RAB11FIP5: variants seen among roughly 807,000 people sequenced by gnomAD.
RAB11FIP5 encodes the protein rab11 family-interacting protein 5.
RAB11FIP5 carries 48 observed loss-of-function variants against 85.1 expected under a neutral mutation model. The ratio of observed to expected loss-of-function variants is 0.56; its 90% CI spans 0.45 to 0.72. RAB11FIP5 has a LOEUF of 0.72. Ranked by LOEUF, RAB11FIP5 falls within the 30% of genes least tolerant of loss-of-function variation. RAB11FIP5 has a pLI of 0.00. For synonymous variants in RAB11FIP5, 729 were observed against 727.3 expected (o/e 1.00, Z -0.04); for missense variants, 1,491 against 1,687.0 (o/e 0.88, Z 2.04).
At chr2:73,090,654 T>C (rs188277350) in intron 1 of RAB11FIP5, among the ~76,000 whole-genome samples, 3 of 152,248 alleles carry the variant, frequency 2.0e-5, no homozygotes, top group Non-Finnish European at 2.9e-5. Context: ...AAAGGCTTCA[T>C]GCTTGCACGA....
chr2:73,093,950 G>A (rs924986474), intron 1 of RAB11FIP5, among the ~76,000 whole-genome samples: 4 of 152,130 alleles, frequency 2.6e-5, no homozygotes, highest in South Asian at 4.2e-4. Context: ...GCGAAACCCC[G>A]TGTCTACTAA....
intron 1 of RAB11FIP5, among the ~76,000 whole-genome samples, chr2:73,102,595 A>G (rs1684450215): frequency 6.6e-6 from 1 of 152,126 alleles, no homozygotes; most frequent in African/African-American, 2.4e-5. Context: ...CGGCAGCACT[A>G]TGGCAGAGCC....
intron 1 of RAB11FIP5, among the ~76,000 whole-genome samples, chr2:73,103,846 G>A (rs1684476305): frequency 6.6e-6 from 1 of 152,084 alleles, no homozygotes; most frequent in Non-Finnish European, 1.5e-5. Context: ...CCTCTCTCAG[G>A]GGATCTCTGG....
At position 73,089,274 on chromosome 2, in the gene RAB11FIP5, T is replaced by C; in HGVS notation, c.473A>G (p.Glu158Gly). The change falls in exon 2 of 6, where the codon GAA becomes GGA. Residue 158 changes from glutamate to glycine, a missense_variant. By Grantham distance (98) the Glu-to-Gly change is moderately conservative. Around this residue, in one of 3 missense-constraint regions of RAB11FIP5, gnomAD observed 1,211 missense variants for 1,338.0 expected, o/e 0.91. Transcript: ENST00000486777. The surrounding 1 kb of genome is among the most constrained non-coding windows in gnomAD (Gnocchi z 4.6). ...GATGGTGACTTCAATCTCGCCGCGT[T>C]CCTTCTCCTTCTTGCCTGGCTTGGA... ...LHSKPGKKEK[E>G]RGEIEVTIQF... 6.2e-7 allele frequency: 1 copy of C among 1,614,128 alleles called. No homozygotes were observed. Among genetic ancestry groups the C allele is most frequent in the Non-Finnish European group, 8.5e-7 (1 of 1,180,018 alleles).
intron 1 of RAB11FIP5, among the ~76,000 whole-genome samples, chr2:73,099,858 A>G (rs1042249808): frequency 2.6e-5 from 4 of 151,910 alleles, no homozygotes; most frequent in South Asian, 2.1e-4. Context: ...CACTGCCCCA[A>G]CCTCTTCCAA....
chr2:73,074,863 A>T lies in RAB11FIP5; in HGVS notation c.*658T>A. On this transcript the variant is annotated 3_prime_UTR_variant, in exon 6 of 6. Transcript: ENST00000486777. ...CGTGGAAAGGTCAGAGGGGTCAGGG[A>T]GCAGCCTGAAGCACACACATCATCC... 3.8e-6 allele frequency: 1 copy of T among 266,662 alleles called. No individual in the cohort carries two copies. Among genetic ancestry groups the T allele is most frequent in the Non-Finnish European group, 7.4e-6 (1 of 134,536 alleles). 16.5% of individuals were successfully genotyped at this position (266,662 alleles called of 1,614,324 possible).
chr2:73,091,253 G>A (rs968863685), intron 1 of RAB11FIP5, among the ~76,000 whole-genome samples: 6 of 152,148 alleles, frequency 3.9e-5, no homozygotes, highest in Admixed American at 2.0e-4. Flanking sequence ...GAAAGGATTC[G>A]AACAGCACTG....
intron 1 of RAB11FIP5, among the ~76,000 whole-genome samples, chr2:73,093,489 G>C (rs891432): frequency 0.32 from 48,379 of 152,124 alleles, 9,161 homozygotes; most frequent in East Asian, 0.55. Context: ...CAGCTCCAAA[G>C]TAAAGAAATC....
chr2:73,101,606 T>C (rs1381341310), intron 1 of RAB11FIP5, among the ~76,000 whole-genome samples: 1 of 152,144 alleles, frequency 6.6e-6, no homozygotes, highest in African/African-American at 2.4e-5. Context: ...ATTAGACTCC[T>C]GCGGAGGTCA....
chr2:73,080,483 C>A lies in RAB11FIP5; in HGVS notation c.2749G>T (p.Glu917Ter). The A allele has an allele frequency of 8.1e-7, 1 of 1,233,638 alleles. No homozygotes were observed. The allele number at this position is 1,233,638 out of a possible 1,614,324, so 76.4% of individuals were successfully genotyped here. ...AGCCCCACTGCGGCCTTCTCCTCCT[C>A]CTCCTCCTGGGATCTTGAGGGTGTG... ...LFTPSRSQEE[E>*]EEKAAVGLSN... The change falls in exon 4 of 6, where the codon GAG becomes TAG. Residue 917 changes from glutamate (E) to a stop codon, truncating the protein, a stop_gained. Transcript: ENST00000486777. LOFTEE classifies it high-confidence loss of function.
At position 73,081,492 on chromosome 2, in the gene RAB11FIP5, G is replaced by C. The variant is rs1230624635; in HGVS notation, c.1740C>G (p.Ala580=). 8 of 1,234,698 alleles carry C rather than the reference G, an allele frequency of 6.5e-6. No homozygotes were observed. The highest frequency in any genetic ancestry group is 3.1e-4 in the Middle Eastern group (1 of 3,278). 76.5% of individuals were successfully genotyped at this position (1,234,698 alleles called of 1,614,324 possible). Residue 580 remains alanine, a synonymous_variant, in exon 4 of 6, where the codon GCC becomes GCG. Coordinates refer to ENST00000486777, the MANE Select transcript of RAB11FIP5 (RefSeq NM_001371272.1). This position sits in a 1 kb window ranked among gnomAD's most constrained non-coding sequence, Gnocchi z 4.2. ...SPAAATAAAA[A]TTAAPEATPP... ...GGGTGGCTTCAGGGGCGGCGGTGGT[G>C]GCGGCAGCGGCAGCAGTGGCAGCAG...
rs1683838761 is a variant in RAB11FIP5, at chr2:73,075,542, G to T, written c.3954C>A (p.Ile1318=). ...IMETSPTLLQ[I]PPGPPK is the part of the protein sequence containing the mutation. ...AAGGCTATTTGGGGGGGCCCGGGGG[G>T]ATCTGCAGCAGCGTGGGTGAGGTCT... Residue 1318 remains isoleucine, a synonymous_variant, in exon 6 of 6, where the codon ATC becomes ATA. Coordinates refer to ENST00000486777, the MANE Select transcript of RAB11FIP5 (RefSeq NM_001371272.1). This position sits in a 1 kb window ranked among gnomAD's most constrained non-coding sequence, Gnocchi z 4.6. The T allele has an allele frequency of 9.3e-6, 15 of 1,614,062 alleles. No individual in the cohort carries two copies. The highest frequency in any genetic ancestry group is 1.1e-5 in the Non-Finnish European group (13 of 1,179,970).
rs1684240537 is a variant in RAB11FIP5, at chr2:73,092,657, G to A, written c.432-3342C>T. On this transcript the variant is annotated intron_variant, in intron 1 of 5. Transcript: ENST00000486777. Reference sequence around the variant, plus strand: ...AGGTCACTTCCCCTTCTCCTGTTCTGCCCAGCCCTCCCCCACAGGGAATTT... The same window carrying A: ...AGGTCACTTCCCCTTCTCCTGTTCTACCCAGCCCTCCCCCACAGGGAATTT... Among the ~76,000 whole-genome samples, 6 of 152,050 alleles carry A rather than the reference G, an allele frequency of 3.9e-5. No homozygotes were observed. In the South Asian group the frequency reaches 1.2e-3, roughly 32 times the overall value.
intron 1 of RAB11FIP5, among the ~76,000 whole-genome samples, chr2:73,092,827 C>T (rs1020879150): frequency 6.6e-6 from 1 of 152,212 alleles, no homozygotes; most frequent in African/African-American, 2.4e-5. Flanking sequence ...TGCCATCACT[C>T]GTCCACCTCC....
intron 1 of RAB11FIP5, among the ~76,000 whole-genome samples, chr2:73,099,493 C>T (rs200805594): frequency 3.9e-5 from 6 of 152,284 alleles, no homozygotes; most frequent in Non-Finnish European, 7.4e-5. Flanking sequence ...CGCTGCATGG[C>T]ATCCAGGCTG....
rs1683957637 is a variant in RAB11FIP5, at chr2:73,080,684, C to T, written c.2548G>A (p.Val850Ile). Residue 850 changes from valine to isoleucine, a missense_variant, in exon 4 of 6, where the codon GTC becomes ATC. Physicochemically the swap from Val to Ile is conservative, Grantham distance 29 (BLOSUM62 3). Transcript: ENST00000486777. ...ISPAAETASLVFRGESDEPAP... is the reference protein window; with the variant it reads ...ISPAAETASLIFRGESDEPAP... ...GGCTCATCAGACTCTCCCCGAAAGA[C>T]TAGTGAGGCTGTCTCAGCTGCAGGA... The T allele has an allele frequency of 8.1e-7, 1 of 1,232,544 alleles. No homozygotes were observed. The highest frequency in any genetic ancestry group is 4.2e-5 in the Admixed American group (1 of 23,724). 76.4% of individuals were successfully genotyped at this position (1,232,544 alleles called of 1,614,324 possible).
rs1683900672 is a variant in RAB11FIP5 at position 73,078,304 on chromosome 2, C to A, written c.3581+1347G>T. On this transcript the variant is annotated intron_variant, in intron 4 of 5. Transcript: ENST00000486777. This position sits in a 1 kb window ranked among gnomAD's most constrained non-coding sequence, Gnocchi z 4.4. Reference sequence around the variant, plus strand: ...GAGGAATGAGACAGCTCTATTTGGCCCGTCCACTTCATAACAGAAGGAACA... The same window carrying A: ...GAGGAATGAGACAGCTCTATTTGGCACGTCCACTTCATAACAGAAGGAACA... Among the ~76,000 whole-genome samples the A allele has an allele frequency of 6.6e-6, 1 of 152,206 alleles. No homozygotes were observed. Among genetic ancestry groups the A allele is most frequent in the African/African-American group, 2.4e-5 (1 of 41,436 alleles).
intron 4 of RAB11FIP5, 21 bp from the exon 5 acceptor site, chr2:73,076,203 T>C: frequency 3.2e-6 from 5 of 1,570,308 alleles, no homozygotes; most frequent in Non-Finnish European, 4.4e-6. Context: ...ATACAAGAGA[T>C]GGGTTACACA....
rs1683799906 is a variant in RAB11FIP5 at position 73,074,013 on chromosome 2, T to C, written c.*1508A>G. 1 of 152,176 alleles carries C rather than the reference T, an allele frequency of 6.6e-6. No homozygotes were observed. The highest frequency in any genetic ancestry group is 1.9e-4 in the East Asian group (1 of 5,200). 9.4% of individuals were successfully genotyped at this position (152,176 alleles called of 1,614,324 possible). ...CTTCAGCACCTCATCACCCCCCATTTTTGCTAATTCAGGGTGCCCCAAGCT... is the reference window on the plus strand; with the variant it reads ...CTTCAGCACCTCATCACCCCCCATTCTTGCTAATTCAGGGTGCCCCAAGCT... On this transcript the variant is annotated 3_prime_UTR_variant, in exon 6 of 6. Coordinates refer to ENST00000486777, the MANE Select transcript of RAB11FIP5 (RefSeq NM_001371272.1).
Sources: allele counts gnomAD v4.1 joint callset (sites outside exome capture counted in the v4.1 genomes callset), GRCh38; gene constraint gnomAD v4.1.1; regional missense constraint gnomAD v4.1.1; non-coding constraint Gnocchi (gnomAD v3.1); transcripts MANE v1.5; gene names NCBI Gene and HGNC (gene_info 2026-07-23, HGNC 2026-07-21).